The following CSMD1 variants were observed in gnomAD, a reference collection of about 807,000 sequenced individuals.
CSMD1 encodes CUB and Sushi multiple domains 1, also known as CUB and sushi domain-containing protein 1.
Under a neutral mutation model 417.5 loss-of-function variants are expected in CSMD1, and 213 were observed. The observed-to-expected ratio is 0.51, with a 90% CI of 0.46 to 0.57. The LOEUF (loss-of-function observed/expected upper bound fraction) is 0.57, where lower values mean the gene tolerates loss of function less well. Among genes scored for constraint, CSMD1 ranks in the 20% least tolerant of loss-of-function variants. The pLI is 0.00. For synonymous variants in CSMD1, 2,862 were observed against 1,736.8 expected, an observed-to-expected ratio of 1.65 and a Z score of -16.11; for missense variants, 6,923 against 4,529.7, an observed-to-expected ratio of 1.53 and a Z score of -15.17.
At position 3,098,848 on chromosome 8, in the gene CSMD1, T is replaced by C. The variant is rs111925816; in HGVS notation, c.6950-1811A>G. ...CTGACGTGTAAGTACAGAGTAATAATAGCTCCCCCTCAGGGTTTTAATTAG... is the reference window on the plus strand; with the variant it reads ...CTGACGTGTAAGTACAGAGTAATAACAGCTCCCCCTCAGGGTTTTAATTAG... On this transcript the variant is annotated intron_variant, in intron 46 of 69. Coordinates refer to ENST00000635120, the MANE Select transcript of CSMD1 (RefSeq NM_033225.6). Among the ~76,000 whole-genome samples the C allele has an allele frequency of 2.7e-3, 410 of 152,236 alleles. 1 individual carries two copies. The highest frequency in any genetic ancestry group is 9.4e-3 in the African/African-American group (392 of 41,538).
intron 7 of CSMD1, among the ~76,000 whole-genome samples, chr8:3,636,716 A>G (rs1187134345): frequency 1.3e-5 from 2 of 152,216 alleles, no homozygotes; most frequent in Admixed American, 1.3e-4. Flanking sequence ...TCTTGTGACC[A>G]TCTTGGGAGC....
At chr8:4,465,734 G>C (rs925449001) in intron 2 of CSMD1, among the ~76,000 whole-genome samples, 1 of 152,164 alleles carries the variant, frequency 6.6e-6, no homozygotes, top group Non-Finnish European at 1.5e-5. Flanking sequence ...GGTGTTTGGA[G>C]GAACTCTAGT....
chr8:4,314,471 T>G (rs7007080), intron 3 of CSMD1, among the ~76,000 whole-genome samples: 17,167 of 152,024 alleles, frequency 0.11, 3,002 homozygotes, highest in African/African-American at 0.38. Flanking sequence ...TTCAATTGCA[T>G]CCGTTCCTTG....
chr8:4,203,000 TC>T lies in CSMD1; in HGVS notation c.416-170902del, dbSNP rs36112009. On this transcript the variant is annotated intron_variant, in intron 3 of 69. Coordinates refer to ENST00000635120, the MANE Select transcript of CSMD1 (RefSeq NM_033225.6). Reference sequence around the variant, plus strand: ...CCACCAAAGATGTCTGCATCGTAATTCCCAGAACCTGTGACTATGTTTCCTT... The same window carrying T: ...CCACCAAAGATGTCTGCATCGTAATTCCAGAACCTGTGACTATGTTTCCTT... 1.5e-3 allele frequency among the ~76,000 whole-genome samples: 236 copies of T among 152,260 alleles called. 2 individuals are homozygous for T. The highest frequency in any genetic ancestry group is 5.5e-3 in the African/African-American group (230 of 41,566).
intron 7 of CSMD1, among the ~76,000 whole-genome samples, chr8:3,619,875 G>C (rs945313542): frequency 2.6e-5 from 4 of 152,168 alleles, no homozygotes; most frequent in African/African-American, 7.2e-5. Flanking sequence ...GCTGAGGTGG[G>C]TGGATCACTT....
intron 37 of CSMD1, among the ~76,000 whole-genome samples, chr8:3,175,180 A>C (rs1262577777): frequency 6.6e-6 from 1 of 152,226 alleles, no homozygotes; most frequent in African/African-American, 2.4e-5. Flanking sequence ...GAAAAGTAAT[A>C]CTTTGAACAT....
intron 2 of CSMD1, among the ~76,000 whole-genome samples, chr8:4,490,920 A>C (rs914925264): frequency 2.6e-5 from 4 of 152,232 alleles, no homozygotes; most frequent in African/African-American, 9.6e-5. Flanking sequence ...AACTTATCAC[A>C]GGAGTGGATA....
intron 38 of CSMD1, among the ~76,000 whole-genome samples, chr8:3,158,321 A>G (rs56204331): frequency 0.012 from 1,764 of 152,210 alleles, 37 homozygotes; most frequent in African/African-American, 0.04. Flanking sequence ...TGGCCTAAGA[A>G]GCTGAAAACA....
chr8:3,247,517 G>A (rs936690381), intron 26 of CSMD1, among the ~76,000 whole-genome samples: 1 of 152,162 alleles, frequency 6.6e-6, no homozygotes, highest in Non-Finnish European at 1.5e-5. Flanking sequence ...CCAACCCTAC[G>A]AGGCAAGCTC....
At chr8:4,657,700 T>A (rs370690742) in intron 1 of CSMD1, among the ~76,000 whole-genome samples, 2 of 147,798 alleles carry the variant, frequency 1.4e-5, no homozygotes, top group African/African-American at 2.5e-5. Context: ...AAAGAAAATA[T>A]GACCCACTCA....
chr8:3,228,468 C>G (rs1240293996), intron 27 of CSMD1, among the ~76,000 whole-genome samples: 1 of 152,058 alleles, frequency 6.6e-6, no homozygotes, highest in Non-Finnish European at 1.5e-5. Flanking sequence ...GTCTGGTTGC[C>G]AAAATAATTG....
Position 4,372,282 on chromosome 8 carries a change from T to C in CSMD1, c.415+47671A>G, listed in dbSNP as rs190601641. Among the ~76,000 whole-genome samples, 983 of 152,286 alleles carry C rather than the reference T, an allele frequency of 6.5e-3. 9 individuals are homozygous for C. Among genetic ancestry groups the C allele is most frequent in the South Asian group, 0.044 (213 of 4,830 alleles). ...ACGTCGGCTCTCCATTTCATTTTAT[T>C]AAGTCTGTGGGTTAAATGACATCAT... is the stretch of plus-strand genomic sequence containing the variant. On this transcript the variant is annotated intron_variant, in intron 3 of 69. Coordinates refer to ENST00000635120, the MANE Select transcript of CSMD1 (RefSeq NM_033225.6).
chr8:4,236,039 G>GTTTTTTTTTTTTT (rs869245155), intron 3 of CSMD1, among the ~76,000 whole-genome samples: 51 of 31,664 alleles, frequency 1.6e-3, no homozygotes, highest in African/African-American at 3.2e-3. Context: ...TTTTTTGTTT[G>GTTTTTTTTTTTTT]TTTTTTTTTT....
chr8:4,863,576 A>C (rs1270199684), intron 1 of CSMD1, among the ~76,000 whole-genome samples: 2 of 151,996 alleles, frequency 1.3e-5, no homozygotes. Flanking sequence ...TTTTAGCAAC[A>C]ATTTTGCACA....
intron 12 of CSMD1, among the ~76,000 whole-genome samples, chr8:3,429,594 G>A (rs944638708): frequency 6.6e-6 from 1 of 152,134 alleles, no homozygotes; most frequent in South Asian, 2.1e-4. Flanking sequence ...GGTCAACAAT[G>A]TTCAATATCT....
chr8:4,183,609 T>A lies in CSMD1; in HGVS notation c.416-151510A>T, dbSNP rs190972302. 5.5e-3 allele frequency among the ~76,000 whole-genome samples: 843 copies of A among 152,346 alleles called. 5 individuals carry two copies. Among genetic ancestry groups the A allele is most frequent in the African/African-American group, 0.019 (783 of 41,582 alleles). ...AAAAATTCATAATTTTGAACTTTTT[T>A]AAAATGATTCTGTCAAATTGATAAG... On this transcript the variant is annotated intron_variant, in intron 3 of 69. Transcript: ENST00000635120.
chr8:3,105,121 T>A (rs1585360795), intron 46 of CSMD1, among the ~76,000 whole-genome samples: 2 of 152,232 alleles, frequency 1.3e-5, no homozygotes, highest in African/African-American at 4.8e-5. Context: ...GTTAACATTA[T>A]AAAACACTCA....
intron 2 of CSMD1, among the ~76,000 whole-genome samples, chr8:4,450,633 A>G (rs1315095919): frequency 6.6e-6 from 1 of 152,034 alleles, no homozygotes; most frequent in Non-Finnish European, 1.5e-5. Flanking sequence ...CAGTCTCCAA[A>G]GAAAAAAAAA....
rs1798753886 is a variant in CSMD1 at position 3,230,222 on chromosome 8, G to A, written c.4163C>T (p.Ala1388Val). 8 of 1,580,200 alleles carry A rather than the reference G, an allele frequency of 5.1e-6. 1 individual carries two copies. The South Asian group carries it at 9.2e-5, about 18-fold the overall frequency. The change falls in exon 27 of 70, where the codon GCA (alanine) becomes GTA (valine). Residue 1388 changes from alanine to valine, a missense_variant. By Grantham distance (64) the Ala-to-Val change is moderately conservative. Transcript: ENST00000635120. ...GFSIQFSTSI[A>V]ATCNDPGMPQ... ...CATACCTGGATCGTTACAGGTGGCT[G>A]CAATTGAGGCTGCAAACAAAAGAGA...
Sources: allele counts gnomAD v4.1 joint callset (sites outside exome capture counted in the v4.1 genomes callset), GRCh38; gene constraint gnomAD v4.1.1; transcripts MANE v1.5; gene names NCBI Gene and HGNC (gene_info 2026-07-23, HGNC 2026-07-21).